The following PEX14 variants were observed in gnomAD, a reference collection of about 807,000 sequenced individuals.
The protein encoded by PEX14 is peroxisomal biogenesis factor 14, also known as peroxisomal membrane protein PEX14.
PEX14 carries 15 observed loss-of-function variants against 49.5 expected under a neutral mutation model. The ratio of observed to expected loss-of-function variants is 0.30; its 90% CI spans 0.20 to 0.47. The LOEUF (loss-of-function observed/expected upper bound fraction) is 0.47. Among genes scored for constraint, PEX14 ranks in the 20% least tolerant of loss-of-function variants. PEX14 has a pLI of 1.00. For missense variants in PEX14, 398 were observed against 494.8 expected, an observed-to-expected ratio of 0.80 and a Z score of 1.86; for synonymous variants, 210 against 212.7, an observed-to-expected ratio of 0.99 and a Z score of 0.11.
intron 3 of PEX14, among the ~76,000 whole-genome samples, chr1:10,538,678 C>T (rs978980759): frequency 4.6e-5 from 7 of 152,252 alleles, no homozygotes; most frequent in African/African-American, 1.4e-4. Flanking sequence ...GTGCTCAGCA[C>T]GGCCTGGCAC....
At chr1:10,618,558 CGGGGTTCACAGCTG>C in intron 5 of PEX14, 141 bp downstream of exon 5, 1 of 735,356 alleles carries the variant, frequency 1.4e-6, no homozygotes, top group Non-Finnish European at 2.4e-6. Context: ...TGGTAGAGGT[CGGGGTTCACAGCTG>C]GATCCAGGCA....
intron 1 of PEX14, among the ~76,000 whole-genome samples, chr1:10,476,801 T>G (rs1463001680): frequency 1.3e-5 from 2 of 151,946 alleles, no homozygotes; most frequent in African/African-American, 4.8e-5. Context: ...CTGTTCCTGA[T>G]TCTTATAGGA....
intron 2 of PEX14, among the ~76,000 whole-genome samples, chr1:10,525,355 A>G (rs141578111): frequency 1.1e-4 from 16 of 151,724 alleles, no homozygotes; most frequent in African/African-American, 3.9e-4. Flanking sequence ...CATCTGCGTC[A>G]GCGGTATAGC....
At chr1:10,575,167 G>T (rs1003454228) in intron 3 of PEX14, among the ~76,000 whole-genome samples, 3 of 151,546 alleles carry the variant, frequency 2.0e-5, no homozygotes, top group Non-Finnish European at 4.4e-5. Flanking sequence ...ATATTAAAAA[G>T]AATGCATTGT....
chr1:10,591,962 A>G (rs1640680943), intron 3 of PEX14, among the ~76,000 whole-genome samples: 1 of 152,190 alleles, frequency 6.6e-6, no homozygotes, highest in South Asian at 2.1e-4. Flanking sequence ...AAACAGAAGG[A>G]AAAAAGAAAA....
intron 5 of PEX14, among the ~76,000 whole-genome samples, chr1:10,619,831 C>T (rs1020029332): frequency 1.3e-5 from 2 of 151,962 alleles, no homozygotes; most frequent in African/African-American, 2.4e-5. Flanking sequence ...AAGGGCTGGG[C>T]GCGGTGGCTC....
intron 7 of PEX14, among the ~76,000 whole-genome samples, chr1:10,624,966 G>T (rs554920851): frequency 6.6e-6 from 1 of 152,310 alleles, no homozygotes; most frequent in South Asian, 2.1e-4. Context: ...TCCCAAGGCA[G>T]TGTCCTTGCC....
intron 4 of PEX14, among the ~76,000 whole-genome samples, chr1:10,611,254 C>G (rs1233779166): frequency 6.6e-6 from 1 of 152,092 alleles, no homozygotes; most frequent in African/African-American, 2.4e-5. Context: ...CAGAGCAAGA[C>G]TCTGTCCCCC....
intron 3 of PEX14, among the ~76,000 whole-genome samples, chr1:10,550,429 C>G (rs1249971053): frequency 6.6e-6 from 1 of 152,210 alleles, no homozygotes; most frequent in Non-Finnish European, 1.5e-5. Context: ...GCTCTGTTCA[C>G]CAAGCATTCC....
intron 1 of PEX14, among the ~76,000 whole-genome samples, chr1:10,482,768 C>G (rs1158652149): frequency 6.6e-6 from 1 of 152,208 alleles, no homozygotes; most frequent in Admixed American, 6.5e-5. Context: ...TAGATTGTTT[C>G]ACCTTTAGGG....
At chr1:10,606,350 A>G (rs1205320850) in intron 4 of PEX14, among the ~76,000 whole-genome samples, 3 of 152,214 alleles carry the variant, frequency 2.0e-5, no homozygotes, top group Non-Finnish European at 2.9e-5. Flanking sequence ...GCTGCCTTCT[A>G]AGGACACCTC....
At chr1:10,599,139 A>T in intron 3 of PEX14, 99 bp from the exon 4 acceptor site, 1 of 1,252,980 alleles carries the variant, frequency 8.0e-7, no homozygotes, top group Admixed American at 1.7e-5. Flanking sequence ...GATGCGAGGC[A>T]TTCTGTGGCT....
At chr1:10,504,091 A>G (rs1391810154) in intron 2 of PEX14, among the ~76,000 whole-genome samples, 1 of 152,224 alleles carries the variant, frequency 6.6e-6, no homozygotes, top group Non-Finnish European at 1.5e-5. Context: ...ACCACGCAGA[A>G]TGATTTTTGG....
intron 2 of PEX14, among the ~76,000 whole-genome samples, chr1:10,509,904 C>T (rs957768888): frequency 2.0e-5 from 3 of 152,106 alleles, no homozygotes; most frequent in Non-Finnish European, 2.9e-5. Context: ...AATGTATTTT[C>T]GTGGCCATTA....
chr1:10,615,042 G>C (rs1205097456), intron 4 of PEX14, among the ~76,000 whole-genome samples: 9 of 152,200 alleles, frequency 5.9e-5, no homozygotes, highest in Non-Finnish European at 1.0e-4. Context: ...TTTGTGTCGG[G>C]TGGGGGTGTC....
chr1:10,486,643 T>TGCACTACAG (rs1371899337), intron 1 of PEX14, among the ~76,000 whole-genome samples: 3 of 151,366 alleles, frequency 2.0e-5, no homozygotes, highest in East Asian at 3.9e-4. Flanking sequence ...GTCACACCAC[T>TGCACTACAG]GCACTACAGG....
intron 2 of PEX14, among the ~76,000 whole-genome samples, chr1:10,526,221 A>ATT (rs35251972): frequency 7.1e-4 from 90 of 127,142 alleles, no homozygotes; most frequent in East Asian, 9.4e-4. Flanking sequence ...CGCCCGGCTG[A>ATT]TTTTTTTTTT....
chr1:10,542,169 A>T (rs762909232), intron 3 of PEX14, among the ~76,000 whole-genome samples: 1 of 152,222 alleles, frequency 6.6e-6, no homozygotes. Flanking sequence ...ACAGTAAAAA[A>T]TAAGTCTTCT....
chr1:10,617,696 C>G (rs1641466684), intron 4 of PEX14, among the ~76,000 whole-genome samples: 1 of 152,170 alleles, frequency 6.6e-6, no homozygotes, highest in Non-Finnish European at 1.5e-5. Context: ...GACCCCAGCC[C>G]CTCTCCCCTG....
Sources: gnomAD v4.1 joint callset for allele counts (sites outside exome capture counted in the v4.1 genomes callset) on GRCh38, gnomAD v4.1.1 for gene constraint, MANE v1.5 for transcripts, NCBI Gene and HGNC (gene_info 2026-07-23, HGNC 2026-07-21) for gene names.